MAN1C1: variants seen among roughly 807,000 people sequenced by gnomAD.
MAN1C1 encodes mannosyl-oligosaccharide 1,2-alpha-mannosidase IC.
Under a neutral mutation model 71.5 loss-of-function variants are expected in MAN1C1, and 49 were observed. The observed-to-expected ratio is 0.69, with a 90% CI of 0.54 to 0.87. MAN1C1 has a LOEUF of 0.87. MAN1C1 is among the 40% of genes least tolerant of loss of function. The pLI is 0.00. For missense variants in MAN1C1, 743 were observed against 835.0 expected, an observed-to-expected ratio of 0.89 and a Z score of 1.36; for synonymous variants, 352 against 343.7, an observed-to-expected ratio of 1.02 and a Z score of -0.27.
At position 25,776,115 on chromosome 1, in the gene MAN1C1, G is replaced by A. The variant is rs982953570; in HGVS notation, c.1258-1990G>A. 1 of 152,188 alleles carries A rather than the reference G, an allele frequency of 6.6e-6. No homozygotes were observed. The highest frequency in any genetic ancestry group is 1.5e-5 in the Non-Finnish European group (1 of 68,074). The allele number at this position is 152,188 out of a possible 1,614,324, so 9.4% of individuals were successfully genotyped here. ...TTGCCCAGGCTGGTTTCAAACTACT[G>A]GGCTCAAATGATCCATCTGCCTCAG... On this transcript the variant is annotated intron_variant, in intron 8 of 11. Transcript: ENST00000374332. The surrounding 1 kb of genome is among the most constrained non-coding windows in gnomAD (Gnocchi z 4.3).
intron 2 of MAN1C1, among the ~76,000 whole-genome samples, chr1:25,723,854 G>A (rs532843368): frequency 5.9e-5 from 9 of 152,286 alleles, no homozygotes; most frequent in Admixed American, 5.9e-4. Context: ...AAAGGATTGA[G>A]GGGTACCCTC....
intron 2 of MAN1C1, among the ~76,000 whole-genome samples, chr1:25,739,825 A>G (rs978333477): frequency 1.2e-4 from 18 of 152,150 alleles, no homozygotes; most frequent in African/African-American, 3.4e-4. Flanking sequence ...CTCTGGACGT[A>G]GTCACCACAG....
intron 1 of MAN1C1, among the ~76,000 whole-genome samples, chr1:25,637,961 C>T (rs2045486692): frequency 6.6e-6 from 1 of 151,658 alleles, no homozygotes; most frequent in African/African-American, 2.4e-5. Context: ...TTATAAAGAA[C>T]ACATAATTGG....
At chr1:25,724,310 G>A (rs866109880) in intron 2 of MAN1C1, among the ~76,000 whole-genome samples, 2 of 152,200 alleles carry the variant, frequency 1.3e-5, no homozygotes, top group Non-Finnish European at 1.5e-5. Context: ...ACAGGCATGA[G>A]CCATCACGCC....
intron 2 of MAN1C1, among the ~76,000 whole-genome samples, chr1:25,742,710 C>G (rs1166161794): frequency 6.6e-6 from 1 of 152,176 alleles, no homozygotes; most frequent in Non-Finnish European, 1.5e-5. Flanking sequence ...GGAAACGAGG[C>G]ACAAAGAGGT....
Position 25,708,967 on chromosome 1 carries a change from G to A in MAN1C1, c.637+22431G>A, listed in dbSNP as rs2046565794. ...TTCATTCCACTCCAACTGGGGTCTTGGCACTTGCATTTTCCTGAGCCCAGC... is the reference window on the plus strand; with the variant it reads ...TTCATTCCACTCCAACTGGGGTCTTAGCACTTGCATTTTCCTGAGCCCAGC... On this transcript the variant is annotated intron_variant, in intron 2 of 11. Transcript: ENST00000374332. 2.0e-5 allele frequency among the ~76,000 whole-genome samples: 3 copies of A among 152,230 alleles called. No individual in the cohort carries two copies. The South Asian group carries it at 6.2e-4, about 32-fold the overall frequency.
Position 25,780,315 on chromosome 1 carries a change from C to T in MAN1C1, c.1478-625C>T, listed in dbSNP as rs576187155. 3.9e-5 allele frequency among the ~76,000 whole-genome samples: 6 copies of T among 152,154 alleles called. 1 individual carries two copies. The South Asian group carries it at 1.2e-3, about 32-fold the overall frequency. ...AAACCAAACAGTGACAATGACAGAA[C>T]CCAGGCTCCCTCAGGCCCTCCTTCC... On this transcript the variant is annotated intron_variant, in intron 9 of 11. Coordinates refer to ENST00000374332, the MANE Select transcript of MAN1C1 (RefSeq NM_020379.4).
intron 1 of MAN1C1, among the ~76,000 whole-genome samples, chr1:25,639,286 G>T (rs1252529371): frequency 1.3e-5 from 2 of 152,020 alleles, no homozygotes; most frequent in Non-Finnish European, 2.9e-5. Context: ...ATTTATAATA[G>T]CTTTTTAAAA....
intron 1 of MAN1C1, among the ~76,000 whole-genome samples, chr1:25,666,083 A>G (rs2045920306): frequency 1.4e-5 from 2 of 144,338 alleles, no homozygotes; most frequent in South Asian, 2.1e-4. Context: ...TAGTTGGAAG[A>G]AAAAAAAACC....
At chr1:25,768,143 TAC>T (rs2047475902) in intron 7 of MAN1C1, among the ~76,000 whole-genome samples, 1 of 66,080 alleles carries the variant, frequency 1.5e-5, no homozygotes, top group Non-Finnish European at 2.7e-5. Flanking sequence ...ACACACTACA[TAC>T]ACTCCCCCTA....
Position 25,746,677 on chromosome 1 carries a change from G to C in MAN1C1, c.647G>C (p.Ser216Thr). ...GYEGNMFGGL[S>T]GATVIDSLDT... Reference sequence around the variant, plus strand: ...TGCTCTGTGCCTGCAGGAGGCCTCAGCGGGGCAACAGTCATTGACTCCCTC... The same window carrying C: ...TGCTCTGTGCCTGCAGGAGGCCTCACCGGGGCAACAGTCATTGACTCCCTC... Residue 216 changes from serine to threonine, a missense_variant, in exon 3 of 12, where the codon AGC becomes ACC. Coordinates refer to ENST00000374332, the MANE Select transcript of MAN1C1 (RefSeq NM_020379.4). This position sits in a 1 kb window ranked among gnomAD's most constrained non-coding sequence, Gnocchi z 4.0. The C allele has an allele frequency of 6.2e-7, 1 of 1,613,778 alleles. No homozygotes were observed. The highest frequency in any genetic ancestry group is 1.3e-5 in the African/African-American group (1 of 75,058).
intron 1 of MAN1C1, among the ~76,000 whole-genome samples, chr1:25,639,461 T>C (rs188733311): frequency 1.1e-4 from 17 of 152,322 alleles, no homozygotes; most frequent in African/African-American, 3.8e-4. Context: ...GATTCTAGGT[T>C]CATCTGCTTT....
In MAN1C1 at chr1:25,778,770, G is replaced by A. The variant is rs1365106388; in HGVS notation, c.1477+446G>A. Among the ~76,000 whole-genome samples, 2 of 152,118 alleles carry A rather than the reference G, an allele frequency of 1.3e-5. No individual in the cohort carries two copies. Among genetic ancestry groups the A allele is most frequent in the Non-Finnish European group, 2.9e-5 (2 of 68,030 alleles). ...TTCCCCCGGCACCCTCCTTAGAGGG[G>A]GTTTCACCGCCTCCTGCTCCCACCT... On this transcript the variant is annotated intron_variant, in intron 9 of 11. Transcript: ENST00000374332. This position sits in a 1 kb window ranked among gnomAD's most constrained non-coding sequence, Gnocchi z 5.5.
chr1:25,675,592 G>GC (rs1491495154), intron 1 of MAN1C1, among the ~76,000 whole-genome samples: 4 of 143,860 alleles, frequency 2.8e-5, no homozygotes, highest in African/African-American at 7.6e-5. Flanking sequence ...TGCGGGGGGG[G>GC]GGGGAGGTGG....
intron 2 of MAN1C1, among the ~76,000 whole-genome samples, chr1:25,691,529 T>C (rs2046308904): frequency 1.3e-5 from 2 of 152,236 alleles, no homozygotes; most frequent in South Asian, 4.1e-4. Context: ...CTTATATTCA[T>C]GCACAGCACA....
chr1:25,774,268 G>A (rs987060707), intron 8 of MAN1C1, among the ~76,000 whole-genome samples: 2 of 152,176 alleles, frequency 1.3e-5, no homozygotes, highest in Middle Eastern at 3.2e-3. Context: ...TGAGTGTCAC[G>A]GCAGGAGACA....
intron 4 of MAN1C1, among the ~76,000 whole-genome samples, chr1:25,749,958 C>T (rs2047191915): frequency 6.6e-6 from 1 of 152,186 alleles, no homozygotes; most frequent in Admixed American, 6.5e-5. Context: ...AGGCCTTGCC[C>T]CCAGGTGAGC....
At position 25,758,798 on chromosome 1, in the gene MAN1C1, T is replaced by C. The variant is rs139891190; in HGVS notation, c.1047+89T>C. The stretch of plus-strand genomic sequence containing the variant: ...TTTTCAGAGGCGAGTGGGTCCTCCC[T>C]CATGGATCAGCAGGAGGGCAGTGGG... On this transcript the variant is annotated intron_variant, in intron 6 of 11. Transcript: ENST00000374332. 3.4e-3 allele frequency: 3,942 copies of C among 1,172,416 alleles called. 78 individuals are homozygous for C. The African/African-American group carries it at 0.051, about 15-fold the overall frequency. The allele number at this position is 1,172,416 out of a possible 1,614,324, so 72.6% of individuals were successfully genotyped here.
intron 5 of MAN1C1, among the ~76,000 whole-genome samples, chr1:25,754,921 T>C (rs1025758524): frequency 6.6e-6 from 1 of 152,230 alleles, no homozygotes; most frequent in African/African-American, 2.4e-5. Flanking sequence ...TCCGCCTTTT[T>C]GTTCTTGGTA....
Sources: allele counts gnomAD v4.1 joint callset (sites outside exome capture counted in the v4.1 genomes callset), GRCh38; gene constraint gnomAD v4.1.1; non-coding constraint Gnocchi (gnomAD v3.1); transcripts MANE v1.5; gene names NCBI Gene and HGNC (gene_info 2026-07-23, HGNC 2026-07-21).